Variants in TAOK3 observed in about 807,000 individuals in gnomAD.
The protein encoded by TAOK3 is TAO kinase 3, also known as serine/threonine-protein kinase TAO3.
TAOK3 carries 40 observed loss-of-function variants against 120.4 expected under a neutral mutation model. That is an observed-to-expected ratio of 0.33 (90% CI 0.26 to 0.43). The LOEUF is 0.43. Among genes scored for constraint, TAOK3 ranks in the 20% least tolerant of loss-of-function variants. The pLI is 1.00. For missense variants in TAOK3, 821 were observed against 1,112.1 expected (o/e 0.74, Z 3.72); for synonymous variants, 355 against 387.5 (o/e 0.92, Z 0.99).
chr12:118,152,108 C>T lies in TAOK3; in HGVS notation c.2535+119G>A, dbSNP rs1056843096. On this transcript the variant is annotated intron_variant, in intron 20 of 20. Coordinates refer to ENST00000392533, the MANE Select transcript of TAOK3 (RefSeq NM_016281.4). ...TCACAAGGGTACCAGTAGCATAAAG[C>T]AGATAAGTGAAAAGTGCCCAGTTTA... 4.0e-5 allele frequency: 37 copies of T among 929,218 alleles called. No individual in the cohort carries two copies. The African/African-American group carries it at 4.8e-4, about 12-fold the overall frequency. The allele number at this position is 929,218 out of a possible 1,614,324, so 57.6% of individuals were successfully genotyped here. A position where few individuals can be genotyped will look rare whatever the true frequency, so the allele number is the denominator to read the frequency against.
chr12:118,232,306 T>C (rs543247665), intron 9 of TAOK3, among the ~76,000 whole-genome samples: 3 of 152,362 alleles, frequency 2.0e-5, no homozygotes, highest in East Asian at 1.9e-4. Flanking sequence ...GTTAGATAAC[T>C]GTAACAATAT....
chr12:118,369,779 C>G (rs955537170), intron 1 of TAOK3, among the ~76,000 whole-genome samples: 2 of 152,160 alleles, frequency 1.3e-5, no homozygotes. Flanking sequence ...CTCAATACAT[C>G]TTAAATATAG....
chr12:118,255,556 C>A lies in TAOK3; in HGVS notation c.12G>T (p.Gly4=). 6.2e-7 allele frequency: 1 copy of A among 1,613,564 alleles called. No individual in the cohort carries two copies. Among genetic ancestry groups the A allele is most frequent in the Non-Finnish European group, 8.5e-7 (1 of 1,179,782 alleles). Residue 4 remains glycine, a synonymous_variant, in exon 3 of 21, where the codon GGG becomes GGT. Transcript: ENST00000392533. MRK[G]VLKDPEIADL... ...CGGCAATCTCTGGGTCCTTCAGCAC[C>A]CCTTTACGCATGATGGCCAGTAGAG... is the stretch of plus-strand genomic sequence containing the variant.
intron 8 of TAOK3, among the ~76,000 whole-genome samples, 197 bp from the exon 9 acceptor site, chr12:118,233,962 T>C (rs2039897815): frequency 6.6e-6 from 1 of 152,156 alleles, no homozygotes; most frequent in South Asian, 2.1e-4. Flanking sequence ...CACAGTATAT[T>C]ATTTTCAATA....
intron 1 of TAOK3, among the ~76,000 whole-genome samples, chr12:118,369,004 G>GAAAAAAA (rs975694288): frequency 5.0e-4 from 35 of 69,340 alleles, no homozygotes; most frequent in African/African-American, 7.8e-4. Context: ...ACTAAAAATA[G>GAAAAAAA]AAAAAAAAAA....
In TAOK3 at chr12:118,227,771, C is replaced by T. The variant is rs1052509837; in HGVS notation, c.643+5903G>A. ...AATGCCTGATGGCATTATGTTACAGCCACACATGGTGGTCCTGCCAGCTAA... is the reference window on the plus strand; with the variant it reads ...AATGCCTGATGGCATTATGTTACAGTCACACATGGTGGTCCTGCCAGCTAA... On this transcript the variant is annotated intron_variant, in intron 9 of 20. Coordinates refer to ENST00000392533, the MANE Select transcript of TAOK3 (RefSeq NM_016281.4). Among the ~76,000 whole-genome samples the T allele has an allele frequency of 1.7e-4, 26 of 152,162 alleles. 1 individual carries two copies. Among genetic ancestry groups the T allele is most frequent in the Non-Finnish European group, 4.4e-5 (3 of 68,034 alleles).
chr12:118,220,558 G>C (rs2039180662), intron 9 of TAOK3, among the ~76,000 whole-genome samples: 2 of 151,668 alleles, frequency 1.3e-5, no homozygotes, highest in Admixed American at 1.3e-4. Flanking sequence ...AACAATCCCA[G>C]CTTCTCAGAA....
intron 1 of TAOK3, among the ~76,000 whole-genome samples, chr12:118,350,980 A>T (rs1593659113): frequency 6.7e-6 from 1 of 149,772 alleles, no homozygotes; most frequent in East Asian, 2.0e-4. Context: ...GGACTTTGAG[A>T]CCACCCTGGC....
intron 1 of TAOK3, among the ~76,000 whole-genome samples, chr12:118,364,796 T>C (rs1005026650): frequency 2.0e-5 from 3 of 152,094 alleles, no homozygotes; most frequent in Non-Finnish European, 1.5e-5. Flanking sequence ...TCGCAGCTAC[T>C]CCAGAGGCTG....
intron 1 of TAOK3, among the ~76,000 whole-genome samples, chr12:118,339,165 ATTAAG>A (rs1317736701): frequency 1.3e-5 from 2 of 151,436 alleles, no homozygotes; most frequent in East Asian, 1.9e-4. Context: ...TTTGTCACTT[ATTAAG>A]TTAACTCTAA....
chr12:118,170,258 A>G (rs1209921316), intron 17 of TAOK3, among the ~76,000 whole-genome samples: 2 of 151,614 alleles, frequency 1.3e-5, no homozygotes, highest in Non-Finnish European at 2.9e-5. Context: ...TATTAATACC[A>G]CAGGTAAACT....
chr12:118,169,973 G>A (rs1310160271), intron 17 of TAOK3, among the ~76,000 whole-genome samples: 1 of 150,560 alleles, frequency 6.6e-6, no homozygotes, highest in Non-Finnish European at 1.5e-5. Flanking sequence ...CGCCCGCCTC[G>A]GCTTCCCAAA....
At chr12:118,194,222 C>A (rs1459849685) in intron 13 of TAOK3, among the ~76,000 whole-genome samples, 1 of 152,106 alleles carries the variant, frequency 6.6e-6, no homozygotes, top group African/African-American at 2.4e-5. Context: ...ACACTTTCTA[C>A]GCTGTGGAGA....
At chr12:118,223,635 C>T (rs1253881182) in intron 9 of TAOK3, among the ~76,000 whole-genome samples, 2 of 143,150 alleles carry the variant, frequency 1.4e-5, no homozygotes, top group Non-Finnish European at 3.0e-5. Flanking sequence ...TGTGAGCCAC[C>T]GCACCCGGCA....
At chr12:118,156,840 C>T (rs527432709) in intron 19 of TAOK3, among the ~76,000 whole-genome samples, 2 of 151,968 alleles carry the variant, frequency 1.3e-5, no homozygotes, top group South Asian at 2.1e-4. Context: ...TGGGTCCAAG[C>T]GATTCTCCCG....
At chr12:118,151,289 G>A (rs1696730) in intron 20 of TAOK3, 131 bp from the exon 21 acceptor site, 14,925 of 251,700 alleles carry the variant, frequency 0.059, 514 homozygotes, top group South Asian at 0.23. Flanking sequence ...GCGCGCGCGC[G>A]CACACACACA....
At position 118,235,668 on chromosome 12, in the gene TAOK3, A is replaced by G. The variant is rs2039990400; in HGVS notation, c.441T>C (p.Asp147=). 6.3e-7 allele frequency: 1 copy of G among 1,589,434 alleles called. No homozygotes were observed. Among genetic ancestry groups the G allele is most frequent in the South Asian group, 1.1e-5 (1 of 90,114 alleles). ...TTAGAAGAATATTTCCTGCTTTAAT[A>G]TCCCTATAGGAAAAAAAAAAAGGGT... ...YLHSHALIHR[D]IKAGNILLTE... is the part of the protein sequence containing the mutation. The change falls in exon 8 of 21, where the codon GAT becomes GAC. Residue 147 remains aspartate (D), a synonymous_variant. Transcript: ENST00000392533.
At chr12:118,282,499 T>C (rs1275490033) in intron 1 of TAOK3, among the ~76,000 whole-genome samples, 1 of 152,210 alleles carries the variant, frequency 6.6e-6, no homozygotes, top group Admixed American at 6.5e-5. Context: ...GCTGTTCCAC[T>C]GTAAGTACTA....
intron 20 of TAOK3, among the ~76,000 whole-genome samples, 197 bp from the exon 21 acceptor site, chr12:118,151,355 C>G (rs2034422510): frequency 6.6e-6 from 1 of 151,924 alleles, no homozygotes; most frequent in Non-Finnish European, 1.5e-5. Flanking sequence ...CTGGCTGAGT[C>G]CTGTGATCAA....
Sources: gnomAD v4.1 joint callset for allele counts (sites outside exome capture counted in the v4.1 genomes callset) on GRCh38, gnomAD v4.1.1 for gene constraint, MANE v1.5 for transcripts, NCBI Gene and HGNC (gene_info 2026-07-23, HGNC 2026-07-21) for gene names.